ZNF148: variants seen among roughly 807,000 people sequenced by gnomAD.
ZNF148 encodes zinc finger protein 148, also known as Beta-Enolase Repressor Factor-1.
In ZNF148, 7 loss-of-function variants were observed where a neutral mutation model predicts 67.7. That is an observed-to-expected ratio of 0.10 (90% CI 0.06 to 0.19). The LOEUF (loss-of-function observed/expected upper bound fraction) is 0.19. Among genes scored for constraint, ZNF148 ranks in the 10% least tolerant of loss-of-function variants. The pLI is 1.00. For missense variants in ZNF148, 583 were observed against 947.1 expected (o/e 0.62, Z 5.05); for synonymous variants, 333 against 330.7 (o/e 1.01, Z -0.08).
intron 4 of ZNF148, among the ~76,000 whole-genome samples, chr3:125,289,970 T>C (rs1938917772): frequency 6.6e-6 from 1 of 152,126 alleles, no homozygotes; most frequent in Non-Finnish European, 1.5e-5. Context: ...GTCCCATTAG[T>C]ACCCTCATGC....
chr3:125,307,199 T>C (rs969871109), intron 4 of ZNF148, among the ~76,000 whole-genome samples: 1 of 152,240 alleles, frequency 6.6e-6, no homozygotes, highest in Non-Finnish European at 1.5e-5. Context: ...TGTTTAATAT[T>C]TGAAAATCAG....
At chr3:125,342,847 T>C (rs923367009) in intron 1 of ZNF148, among the ~76,000 whole-genome samples, 83 of 152,208 alleles carry the variant, frequency 5.5e-4, no homozygotes, top group African/African-American at 1.9e-3. Context: ...AGGTGAAAGG[T>C]AAAATAAAAG....
intron 1 of ZNF148, chr3:125,338,919 TAAAAG>T (rs1261340906): frequency 2.0e-5 from 3 of 152,102 alleles, no homozygotes; most frequent in Non-Finnish European, 4.4e-5. Context: ...TGCCTAAACA[TAAAAG>T]AAATCATACA....
rs1411595027 is a variant in ZNF148, at chr3:125,375,266, C to CTCCTCCTCCTCCTCT, written c.-413_-399dup. The CTCCTCCTCCTCCTCT allele has an allele frequency of 6.5e-6, 1 of 154,248 alleles. No homozygotes were observed. The highest frequency in any genetic ancestry group is 2.4e-5 in the African/African-American group (1 of 41,450). 9.6% of individuals were successfully genotyped at this position (154,248 alleles called of 1,614,324 possible). The stretch of plus-strand genomic sequence containing the variant: ...CGCCTTTCTCCTCTTCCTCCCCCTC[C>CTCCTCCTCCTCCTCT]TCCTCCTCCTCCTCTTCCTCCTTCT... On this transcript the variant is annotated 5_prime_UTR_variant, in exon 1 of 9. Coordinates refer to ENST00000360647, the MANE Select transcript of ZNF148 (RefSeq NM_021964.3).
chr3:125,335,896 C>G (rs1411279794), intron 1 of ZNF148, among the ~76,000 whole-genome samples: 1 of 152,046 alleles, frequency 6.6e-6, no homozygotes, highest in African/African-American at 2.4e-5. Flanking sequence ...AGTAAGATTG[C>G]TAAAGATGAA....
chr3:125,292,897 T>C (rs1939089167), intron 4 of ZNF148: 1 of 152,176 alleles, frequency 6.6e-6, no homozygotes, highest in African/African-American at 2.4e-5. Context: ...TGTGATATCA[T>C]CACAGACTTA....
At chr3:125,299,140 C>T (rs952227388) in intron 4 of ZNF148, among the ~76,000 whole-genome samples, 2 of 152,128 alleles carry the variant, frequency 1.3e-5, no homozygotes, top group Non-Finnish European at 2.9e-5. Flanking sequence ...CTATGTAGTC[C>T]TTTTATAATA....
intron 1 of ZNF148, among the ~76,000 whole-genome samples, chr3:125,371,695 A>G (rs1942892559): frequency 6.6e-6 from 1 of 151,168 alleles, no homozygotes; most frequent in Non-Finnish European, 1.5e-5. Context: ...ACAGAACCCT[A>G]GAAAAAACAT....
chr3:125,298,999 A>T (rs954897475), intron 4 of ZNF148, among the ~76,000 whole-genome samples: 1 of 152,228 alleles, frequency 6.6e-6, no homozygotes, highest in African/African-American at 2.4e-5. Flanking sequence ...TTATAAATGT[A>T]AAACTTCCAG....
At chr3:125,280,833 T>C (rs1231046448) in intron 5 of ZNF148, among the ~76,000 whole-genome samples, 1 of 149,006 alleles carries the variant, frequency 6.7e-6, no homozygotes, top group African/African-American at 2.5e-5. Flanking sequence ...AGGAGGGGTA[T>C]GGCCAGTGAG....
At chr3:125,311,905 A>T (rs979237188) in intron 4 of ZNF148, among the ~76,000 whole-genome samples, 1 of 152,200 alleles carries the variant, frequency 6.6e-6, no homozygotes, top group African/African-American at 2.4e-5. Flanking sequence ...GAAGAATCAG[A>T]TAATCTGAAG....
chr3:125,288,075 T>C (rs1335571489), intron 5 of ZNF148, 28 bp downstream of exon 5: 1 of 1,613,258 alleles, frequency 6.2e-7, no homozygotes. Context: ...TAAGAGGTTG[T>C]GATTACCACC....
intron 7 of ZNF148, among the ~76,000 whole-genome samples, chr3:125,269,664 T>C (rs1337489545): frequency 3.3e-5 from 5 of 152,188 alleles, no homozygotes; most frequent in Admixed American, 3.3e-4. Flanking sequence ...CATACGTTTA[T>C]GGCAGCACTA....
intron 1 of ZNF148, among the ~76,000 whole-genome samples, chr3:125,372,272 T>G (rs1942916140): frequency 6.6e-6 from 1 of 152,184 alleles, no homozygotes; most frequent in African/African-American, 2.4e-5. Context: ...TTCTTTCTAC[T>G]TCAGGAAAGC....
intron 4 of ZNF148, among the ~76,000 whole-genome samples, chr3:125,298,377 T>G (rs201633320): frequency 2.5e-5 from 1 of 39,980 alleles, no homozygotes; most frequent in South Asian, 6.2e-4. Flanking sequence ...ACACACATGC[T>G]CCTTTCCAAT....
intron 6 of ZNF148, 132 bp from the exon 7 acceptor site, chr3:125,277,941 T>A: frequency 6.8e-6 from 4 of 587,880 alleles, no homozygotes; most frequent in Non-Finnish European, 1.1e-5. Context: ...AAATTTTTAA[T>A]GTTATTAACA....
chr3:125,301,281 C>T (rs1312118109), intron 4 of ZNF148, among the ~76,000 whole-genome samples: 1 of 152,160 alleles, frequency 6.6e-6, no homozygotes, highest in East Asian at 1.9e-4. Context: ...ACTTTTGAGG[C>T]CAGGAGTTTG....
At chr3:125,372,831 C>T (rs1246847977) in intron 1 of ZNF148, among the ~76,000 whole-genome samples, 3 of 151,884 alleles carry the variant, frequency 2.0e-5, no homozygotes, top group Admixed American at 6.6e-5. Flanking sequence ...CCAGGGGTGG[C>T]GGCAGGCACC....
intron 5 of ZNF148, 134 bp downstream of exon 5, chr3:125,287,969 G>A: frequency 8.0e-7 from 1 of 1,242,346 alleles, no homozygotes. Context: ...CCTCCATGCA[G>A]GCACGCACCC....
Sources: gnomAD v4.1 joint callset for allele counts (sites outside exome capture counted in the v4.1 genomes callset) on GRCh38, gnomAD v4.1.1 for gene constraint, MANE v1.5 for transcripts, NCBI Gene and HGNC (gene_info 2026-07-23, HGNC 2026-07-21) for gene names.